ATP8A2: variants seen among roughly 807,000 people sequenced by gnomAD.
ATP8A2 encodes phospholipid-transporting ATPase IB.
ATP8A2 carries 100 observed loss-of-function variants against 165.6 expected under a neutral mutation model. The ratio of observed to expected loss-of-function variants is 0.60; its 90% CI spans 0.51 to 0.71. ATP8A2 has a LOEUF of 0.71. Among genes scored for constraint, ATP8A2 ranks in the 30% least tolerant of loss-of-function variants. The pLI, the probability that ATP8A2 is intolerant of heterozygous loss-of-function variation, is 0.00. For missense variants in ATP8A2, 1,227 were observed against 1,479.5 expected, an observed-to-expected ratio of 0.83 and a Z score of 2.80; for synonymous variants, 543 against 548.8, an observed-to-expected ratio of 0.99 and a Z score of 0.15.
intron 1 of ATP8A2, among the ~76,000 whole-genome samples, chr13:25,416,711 A>G (rs2034141632): frequency 1.3e-5 from 2 of 152,202 alleles, no homozygotes; most frequent in South Asian, 4.1e-4. Flanking sequence ...TTGTTGTATC[A>G]CATGACTTAC....
chr13:25,593,140 C>T (rs572019042), intron 24 of ATP8A2, among the ~76,000 whole-genome samples: 4 of 152,102 alleles, frequency 2.6e-5, no homozygotes, highest in Non-Finnish European at 4.4e-5. Context: ...ATAAAAGCAG[C>T]GTCCTAGCGC....
At chr13:25,780,667 C>T (rs1483611050) in intron 27 of ATP8A2, among the ~76,000 whole-genome samples, 1 of 152,074 alleles carries the variant, frequency 6.6e-6, no homozygotes, top group East Asian at 1.9e-4. Context: ...ACAGTTTTTC[C>T]ACAGAGGGCA....
intron 33 of ATP8A2, among the ~76,000 whole-genome samples, chr13:25,948,798 C>T (rs1264680729): frequency 6.6e-6 from 1 of 152,166 alleles, no homozygotes; most frequent in African/African-American, 2.4e-5. Context: ...CCCAGGCATG[C>T]TGGCTCCCTG....
At chr13:25,906,773 G>C (rs1566257664) in intron 33 of ATP8A2, among the ~76,000 whole-genome samples, 1 of 152,164 alleles carries the variant, frequency 6.6e-6, no homozygotes, top group African/African-American at 2.4e-5. Flanking sequence ...CAAGCCTAAA[G>C]CTCAGTGGCA....
chr13:25,998,001 AC>A (rs1171661739), intron 35 of ATP8A2, among the ~76,000 whole-genome samples: 13 of 152,206 alleles, frequency 8.5e-5, no homozygotes, highest in African/African-American at 2.6e-4. Flanking sequence ...TTCAAATGAA[AC>A]CTGGACATTT....
At chr13:25,466,261 T>C (rs538772409) in intron 1 of ATP8A2, among the ~76,000 whole-genome samples, 2 of 152,302 alleles carry the variant, frequency 1.3e-5, no homozygotes, top group East Asian at 3.9e-4. Flanking sequence ...TTGATTTGTT[T>C]TTTTTAGTTG....
At chr13:25,490,734 TTTG>T (rs2036503086) in intron 2 of ATP8A2, among the ~76,000 whole-genome samples, 1 of 133,610 alleles carries the variant, frequency 7.5e-6, no homozygotes, top group Non-Finnish European at 1.6e-5. Context: ...TTGTTTTTTT[TTTG>T]TTTGTTTGTT....
At chr13:25,836,104 G>C (rs1951596382) in intron 28 of ATP8A2, among the ~76,000 whole-genome samples, 1 of 152,188 alleles carries the variant, frequency 6.6e-6, no homozygotes, top group Non-Finnish European at 1.5e-5. Flanking sequence ...GTATCATGCT[G>C]CCTCAGGTAA....
intron 35 of ATP8A2, among the ~76,000 whole-genome samples, chr13:25,994,124 T>C (rs993640067): frequency 6.6e-6 from 1 of 152,204 alleles, no homozygotes; most frequent in African/African-American, 2.4e-5. Flanking sequence ...TTTTAAATTT[T>C]AGCATCTGTG....
At chr13:25,565,301 C>G (rs1351317675) in intron 16 of ATP8A2, among the ~76,000 whole-genome samples, 1 of 152,196 alleles carries the variant, frequency 6.6e-6, no homozygotes, top group Admixed American at 6.5e-5. Flanking sequence ...TAAAGAATCT[C>G]TGCACTGTTT....
chr13:25,989,724 T>A (rs1273025430), intron 35 of ATP8A2, among the ~76,000 whole-genome samples: 1 of 152,204 alleles, frequency 6.6e-6, no homozygotes, highest in African/African-American at 2.4e-5. Context: ...TATATTTACC[T>A]TTTTATAAGG....
intron 24 of ATP8A2, among the ~76,000 whole-genome samples, chr13:25,661,292 C>T (rs2042045568): frequency 6.6e-6 from 1 of 152,184 alleles, no homozygotes; most frequent in African/African-American, 2.4e-5. Flanking sequence ...CTACCCCTAC[C>T]AAGTCTAGGT....
At chr13:25,405,479 G>A (rs1186285622) in intron 1 of ATP8A2, among the ~76,000 whole-genome samples, 6 of 152,006 alleles carry the variant, frequency 3.9e-5, no homozygotes, top group Non-Finnish European at 7.4e-5. Flanking sequence ...TATGGCCCAC[G>A]TATCTCAGCC....
At chr13:25,531,408 GATT>G (rs1314551614) in intron 4 of ATP8A2, among the ~76,000 whole-genome samples, 17 of 33,978 alleles carry the variant, frequency 5.0e-4, no homozygotes, top group African/African-American at 1.1e-3. Flanking sequence ...TTATATATAT[GATT>G]ATATATATGA....
intron 1 of ATP8A2, among the ~76,000 whole-genome samples, chr13:25,424,562 T>C (rs6491053): frequency 0.7 from 106,748 of 152,114 alleles, 38,062 homozygotes; most frequent in East Asian, 1. Context: ...TAGAAAGTGG[T>C]TTGTAAAACA....
At chr13:25,507,979 A>G (rs540304194) in intron 2 of ATP8A2, among the ~76,000 whole-genome samples, 1 of 152,202 alleles carries the variant, frequency 6.6e-6, no homozygotes. Flanking sequence ...AGGAGATGAT[A>G]TGGCTCACAA....
chr13:25,499,094 A>AG (rs2036769551), intron 2 of ATP8A2, among the ~76,000 whole-genome samples: 1 of 152,222 alleles, frequency 6.6e-6, no homozygotes, highest in Non-Finnish European at 1.5e-5. Flanking sequence ...CCCAAGATCC[A>AG]TTCTCTATCC....
chr13:25,825,818 T>A (rs573084925), intron 27 of ATP8A2, among the ~76,000 whole-genome samples: 2 of 152,202 alleles, frequency 1.3e-5, no homozygotes, highest in African/African-American at 4.8e-5. Context: ...ACAGCATGAA[T>A]CTCTGGTTCT....
At chr13:25,424,107 A>T (rs1207154265) in intron 1 of ATP8A2, among the ~76,000 whole-genome samples, 2 of 152,136 alleles carry the variant, frequency 1.3e-5, no homozygotes, top group Admixed American at 6.6e-5. Flanking sequence ...TGGGAAATAG[A>T]GCTGAGAAGG....
Sources: gnomAD v4.1 joint callset for allele counts (sites outside exome capture counted in the v4.1 genomes callset) on GRCh38, gnomAD v4.1.1 for gene constraint, MANE v1.5 for transcripts, NCBI Gene and HGNC (gene_info 2026-07-23, HGNC 2026-07-21) for gene names.